The following KLHDC7B variants were observed in gnomAD, a reference collection of about 807,000 sequenced individuals.
KLHDC7B encodes kelch domain containing 7B, also known as kelch domain-containing protein 7B.
In KLHDC7B, 1 loss-of-function variant was observed where a neutral mutation model predicts 0.6. The ratio of observed to expected loss-of-function variants is 1.71; its 90% confidence interval spans 0.61 to 8.11. The LOEUF (loss-of-function observed/expected upper bound fraction) is 8.11, where lower values mean the gene tolerates loss of function less well. Ranked by LOEUF, KLHDC7B falls within the 30% of genes most tolerant of loss-of-function variation. The probability of loss-of-function intolerance (pLI) is 0.13; values close to 1 mark genes in which losing one functional copy is unlikely to be tolerated. For synonymous variants in KLHDC7B, 462 were observed against 405.2 expected (o/e 1.14, Z -1.68); for missense variants, 993 against 894.9 (o/e 1.11, Z -1.40).
chr22:50,548,441 T>G lies in KLHDC7B; in HGVS notation c.2198T>G (p.Leu733Arg). ...LRGEGTREKS[L>R]DPLPQAAMPR... is the part of the protein sequence containing the mutation. ...GGAGAGGGAACCAGGGAGAAAAGTC[T>G]AGACCCGCTGCCCCAAGCCGCGATG... The change falls in exon 1 of 1, where the codon CTA becomes CGA. Residue 733 changes from leucine (L) to arginine (R), a missense_variant. Leu to Arg is a moderately radical substitution (Grantham distance 102, BLOSUM62 -2). Coordinates refer to ENST00000648057, the MANE Select transcript of KLHDC7B (RefSeq NM_138433.5). The surrounding 1 kb of genome is among the most constrained non-coding windows in gnomAD (Gnocchi z 5.3). The G allele has an allele frequency of 6.3e-7, 1 of 1,579,316 alleles. No homozygotes were observed.
In KLHDC7B at chr22:50,547,322, C is replaced by T. The variant is rs1183239206; in HGVS notation, c.1079C>T (p.Ser360Leu). ...LESPPQGRPLSSQGPGATGAY... is the reference protein window; with the variant it reads ...LESPPQGRPLLSQGPGATGAY... ...AGTCCGCCTCAAGGTCGCCCACTCT[C>T]GTCCCAAGGGCCGGGTGCCACAGGG... The change falls in exon 1 of 1, where the codon TCG (serine) becomes TTG (leucine). Residue 360 changes from serine to leucine, a missense_variant. Ser to Leu is a moderately radical substitution (Grantham distance 145, BLOSUM62 -2). Coordinates refer to ENST00000648057, the MANE Select transcript of KLHDC7B (RefSeq NM_138433.5). 3.9e-5 allele frequency among the ~76,000 whole-genome samples: 6 copies of T among 151,960 alleles called. No homozygotes were observed. In the South Asian group the frequency reaches 1.0e-3, roughly 26 times the overall value.
At position 50,549,744 on chromosome 22, in the gene KLHDC7B, G is replaced by GGCCCCCCCCC; in HGVS notation, c.1578_1579insGCCCCCCCCC (p.Pro527AlafsTer64). On this transcript the variant is annotated frameshift_variant, in exon 1 of 1. Transcript: ENST00000395676. LOFTEE classifies it low-confidence loss of function (END_TRUNC). ...GGAGCAGGGCTGCCTCCCTGCCCCT[G>GGCCCCCCCCC]CCCGCCCCCGCCCCACTGCACTGCA... 6.4e-7 allele frequency: 1 copy of GGCCCCCCCCC among 1,554,572 alleles called. No homozygotes were observed.
Position 50,547,890 on chromosome 22 carries a change from A to G in KLHDC7B, c.1647A>G (p.Pro549=), listed in dbSNP as rs1367840591. Residue 549 remains proline (P), a synonymous_variant, in exon 1 of 1, where the codon CCA becomes CCG. Transcript: ENST00000648057. ...TLTPPSPALT[P]VPTPALSPAP... ...CACCCCCATCCCCAGCCCTAACCCC[A>G]GTCCCAACCCCAGCCCTAAGCCCAG... 6.6e-5 allele frequency: 6 copies of G among 90,850 alleles called. No homozygotes were observed. Among genetic ancestry groups the G allele is most frequent in the Non-Finnish European group, 1.1e-4 (6 of 52,202 alleles). The allele number at this position is 90,850 out of a possible 1,614,324, so 5.6% of individuals were successfully genotyped here. A position where few individuals can be genotyped will look rare whatever the true frequency, so the allele number is the denominator to read the frequency against.
chr22:50,548,742 G>C lies in KLHDC7B; in HGVS notation c.2499G>C (p.Trp833Cys), dbSNP rs915909536. The change falls in exon 1 of 1, where the codon TGG becomes TGC. Residue 833 changes from tryptophan to cysteine, a missense_variant. By Grantham distance (215) the Trp-to-Cys change is radical. Coordinates refer to ENST00000648057, the MANE Select transcript of KLHDC7B (RefSeq NM_138433.5). The surrounding 1 kb of genome is among the most constrained non-coding windows in gnomAD (Gnocchi z 5.3). ...TGTTTCTGCAGAGGCCCGGGGGTTGGGGGGTGGTGGAGGGGCCCCGGAAGC... is the reference window on the plus strand; with the variant it reads ...TGTTTCTGCAGAGGCCCGGGGGTTGCGGGGTGGTGGAGGGGCCCCGGAAGC... Reference protein sequence around the residue: ...LMVFLQRPGGWGVVEGPRKPS... With the variant: ...LMVFLQRPGGCGVVEGPRKPS... The C allele has an allele frequency of 2.7e-5, 39 of 1,464,990 alleles. No individual in the cohort carries two copies. Among genetic ancestry groups the C allele is most frequent in the Middle Eastern group, 2.1e-4 (1 of 4,778 alleles). 90.7% of individuals were successfully genotyped at this position (1,464,990 alleles called of 1,614,324 possible). A position where few individuals can be genotyped will look rare whatever the true frequency, so the allele number is the denominator to read the frequency against.
chr22:50,548,402 C>T lies in KLHDC7B; in HGVS notation c.2159C>T (p.Pro720Leu). 1.3e-6 allele frequency: 2 copies of T among 1,557,982 alleles called. No homozygotes were observed. The highest frequency in any genetic ancestry group is 1.7e-6 in the Non-Finnish European group (2 of 1,150,616). ...AACGGATCGCCCAGCCCAGACCCTC[C>T]CCCAGGCCTAAGAGGAGAGGGAACC... ...ETNGSPSPDP[P>L]PGLRGEGTRE... Residue 720 changes from proline to leucine, a missense_variant, in exon 1 of 1, where the codon CCC (proline) becomes CTC (leucine). Physicochemically the swap from Pro to Leu is moderately conservative, Grantham distance 98. Transcript: ENST00000648057. The surrounding 1 kb of genome is among the most constrained non-coding windows in gnomAD (Gnocchi z 5.3).
At position 50,547,244 on chromosome 22, in the gene KLHDC7B, C is replaced by T. The variant is rs1326826628; in HGVS notation, c.1001C>T (p.Pro334Leu). ...GGWPWVSREV[P>L]GTRSFGPAPD... The stretch of plus-strand genomic sequence containing the variant: ...TGGCCCTGGGTCAGCAGGGAGGTCC[C>T]GGGCACCCGGAGCTTTGGCCCAGCC... Residue 334 changes from proline to leucine, a missense_variant, in exon 1 of 1, where the codon CCG becomes CTG. Transcript: ENST00000648057. Among the ~76,000 whole-genome samples, 2 of 152,034 alleles carry T rather than the reference C, an allele frequency of 1.3e-5. No homozygotes were observed. Among genetic ancestry groups the T allele is most frequent in the East Asian group, 1.9e-4 (1 of 5,138 alleles).
At position 50,549,922 on chromosome 22, in the gene KLHDC7B, C is replaced by A; in HGVS notation, c.3679C>A (p.Pro1227Thr). ...VLSPFILTLP[P>T]EDRLQTSL is the part of the protein sequence containing the mutation. The stretch of plus-strand genomic sequence containing the variant: ...CAGTCCATTCATCCTGACTCTGCCC[C>A]CTGAGGACCGGCTGCAGACCTCACT... The change falls in exon 1 of 1, where the codon CCT becomes ACT. Residue 1227 changes from proline to threonine, a missense_variant. Pro to Thr is a conservative substitution (Grantham distance 38). Coordinates refer to ENST00000648057, the MANE Select transcript of KLHDC7B (RefSeq NM_138433.5). 6.3e-7 allele frequency: 1 copy of A among 1,581,626 alleles called. No individual in the cohort carries two copies. Among genetic ancestry groups the A allele is most frequent in the Admixed American group, 1.7e-5 (1 of 57,758 alleles).
In KLHDC7B at chr22:50,546,926, G is replaced by C. The variant is rs979691027; in HGVS notation, c.683G>C (p.Arg228Pro). ...CCCTCGGGCTCGATGGGGAGAGGCC[G>C]GGGCCGGCGGCGGCGGATGGACGCT... is the stretch of plus-strand genomic sequence containing the variant. ...AGPSGSMGRG[R>P]GRRRRMDAGS... Residue 228 changes from arginine to proline, a missense_variant, in exon 1 of 1, where the codon CGG (arginine) becomes CCG (proline). Physicochemically the swap from Arg to Pro is moderately radical, Grantham distance 103. Coordinates refer to ENST00000648057, the MANE Select transcript of KLHDC7B (RefSeq NM_138433.5). 6.6e-6 allele frequency among the ~76,000 whole-genome samples: 1 copy of C among 151,926 alleles called. No individual in the cohort carries two copies. Among genetic ancestry groups the C allele is most frequent in the Non-Finnish European group, 1.5e-5 (1 of 67,934 alleles).
In KLHDC7B at chr22:50,548,768, C is replaced by T. The variant is rs1202612364; in HGVS notation, c.2525C>T (p.Pro842Leu). The T allele has an allele frequency of 2.8e-6, 4 of 1,449,346 alleles. No individual in the cohort carries two copies. The South Asian group carries it at 4.4e-5, about 16-fold the overall frequency. 89.8% of individuals were successfully genotyped at this position (1,449,346 alleles called of 1,614,324 possible). ...GWGVVEGPRK[P>L]SSRALEPATA... ...GGGGTGGTGGAGGGGCCCCGGAAGC[C>T]CAGCTCCCGGGCCCTGGAGCCCGCC... Residue 842 changes from proline (P) to leucine (L), a missense_variant, in exon 1 of 1, where the codon CCC becomes CTC. Physicochemically the swap from Pro to Leu is moderately conservative, Grantham distance 98. Transcript: ENST00000648057. The surrounding 1 kb of genome is among the most constrained non-coding windows in gnomAD (Gnocchi z 5.3).
At position 50,548,950 on chromosome 22, in the gene KLHDC7B, C is replaced by G. The variant is rs546175063; in HGVS notation, c.2707C>G (p.Arg903Gly). The G allele has an allele frequency of 4.9e-5, 79 of 1,596,946 alleles. 3 individuals carry two copies. In the South Asian group the frequency reaches 8.1e-4, roughly 16 times the overall value. Residue 903 changes from arginine (R) to glycine (G), a missense_variant, in exon 1 of 1, where the codon CGG becomes GGG. Arg to Gly is a moderately radical substitution (Grantham distance 125). Transcript: ENST00000648057. This position sits in a 1 kb window ranked among gnomAD's most constrained non-coding sequence, Gnocchi z 5.3. Reference protein sequence around the residue: ...RVLGDPCLYRRLSAADRERIL... With the variant: ...RVLGDPCLYRGLSAADRERIL... ...GCTGGGAGACCCGTGCCTCTACCGCCGGCTGAGCGCGGCCGACCGCGAGCG... is the reference window on the plus strand; with the variant it reads ...GCTGGGAGACCCGTGCCTCTACCGCGGGCTGAGCGCGGCCGACCGCGAGCG...
rs1388989081 is a variant in KLHDC7B, at chr22:50,550,417, A to C, written c.*466A>C. The C allele has an allele frequency of 5.7e-6, 1 of 173,954 alleles. No homozygotes were observed. The highest frequency in any genetic ancestry group is 6.4e-5 in the Admixed American group (1 of 15,686). The allele number at this position is 173,954 out of a possible 1,614,324, so 10.8% of individuals were successfully genotyped here. On this transcript the variant is annotated 3_prime_UTR_variant, in exon 1 of 1. Transcript: ENST00000648057. ...GCCTCTGGGACTTTCTGCCTGTCCT[A>C]AGGCCTCCCCAGGTACCAACCCCGT...
chr22:50,549,726 G>T lies in KLHDC7B; in HGVS notation c.3483G>T (p.Arg1161Ser). 4.4e-6 allele frequency: 7 copies of T among 1,590,372 alleles called. No individual in the cohort carries two copies. The highest frequency in any genetic ancestry group is 6.0e-6 in the Non-Finnish European group (7 of 1,170,052). Residue 1161 changes from arginine (R) to serine (S), a missense_variant, in exon 1 of 1, where the codon AGG becomes AGT. Coordinates refer to ENST00000648057, the MANE Select transcript of KLHDC7B (RefSeq NM_138433.5). ...ACACAGTGACCGGCTCCTGGAGCAG[G>T]GCTGCCTCCCTGCCCCTGCCCGCCC... is the stretch of plus-strand genomic sequence containing the variant. ...RYNTVTGSWS[R>S]AASLPLPAPA...
Position 50,548,528 on chromosome 22 carries a change from C to G in KLHDC7B, c.2285C>G (p.Ala762Gly), listed in dbSNP as rs777583262. The change falls in exon 1 of 1, where the codon GCG becomes GGG. Residue 762 changes from alanine to glycine, a missense_variant. Coordinates refer to ENST00000648057, the MANE Select transcript of KLHDC7B (RefSeq NM_138433.5). The surrounding 1 kb of genome is among the most constrained non-coding windows in gnomAD (Gnocchi z 5.3). ...RPPGPAASSS[A>G]RRSQPVPQLR... is the part of the protein sequence containing the mutation. Reference sequence around the variant, plus strand: ...CCTGGCCCCGCGGCCTCCTCCTCTGCGAGGCGCTCACAGCCGGTACCCCAG... The same window carrying G: ...CCTGGCCCCGCGGCCTCCTCCTCTGGGAGGCGCTCACAGCCGGTACCCCAG... The G allele has an allele frequency of 1.9e-6, 3 of 1,553,486 alleles. No homozygotes were observed. The highest frequency in any genetic ancestry group is 2.0e-5 in the Admixed American group (1 of 51,216).
chr22:50,548,616 C>G lies in KLHDC7B; in HGVS notation c.2373C>G (p.Ala791=). Residue 791 remains alanine, a synonymous_variant, in exon 1 of 1, where the codon GCC becomes GCG. Coordinates refer to ENST00000648057, the MANE Select transcript of KLHDC7B (RefSeq NM_138433.5). This position sits in a 1 kb window ranked among gnomAD's most constrained non-coding sequence, Gnocchi z 5.3. ...PSSEQEVRPA[A]SGDPQGEAPG... is the part of the protein sequence containing the mutation. ...CGGAGCAGGAGGTCAGGCCGGCCGC[C>G]TCGGGGGACCCTCAAGGGGAGGCGC... 6.5e-7 allele frequency: 1 copy of G among 1,542,656 alleles called. No individual in the cohort carries two copies. The highest frequency in any genetic ancestry group is 8.7e-7 in the Non-Finnish European group (1 of 1,144,870).
In KLHDC7B at chr22:50,545,936, G is replaced by A. The variant is rs77135372; in HGVS notation, c.-308G>A. On this transcript the variant is annotated 5_prime_UTR_variant, in exon 1 of 1. Transcript: ENST00000648057. ...GCTGTGATGACAGCACAGAGCTCAG[G>A]AACGCTGCCTGAGGACCCTGGGGCC... 0.017 allele frequency among the ~76,000 whole-genome samples: 2,635 copies of A among 152,166 alleles called. 33 individuals carry two copies. Among genetic ancestry groups the A allele is most frequent in the Non-Finnish European group, 0.027 (1,862 of 67,982 alleles).
rs1365627585 is a variant in KLHDC7B, at chr22:50,548,348, G to A, written c.2105G>A (p.Gly702Asp). ...TGTGGLVEAG[G>D]QPQPRSSETN... is the part of the protein sequence containing the mutation. Reference sequence around the variant, plus strand: ...ACAGGGGGCCTGGTTGAGGCTGGAGGTCAGCCACAGCCAAGAAGCTCCGAG... The same window carrying A: ...ACAGGGGGCCTGGTTGAGGCTGGAGATCAGCCACAGCCAAGAAGCTCCGAG... Residue 702 changes from glycine (G) to aspartate (D), a missense_variant, in exon 1 of 1, where the codon GGT becomes GAT. Coordinates refer to ENST00000648057, the MANE Select transcript of KLHDC7B (RefSeq NM_138433.5). The surrounding 1 kb of genome is among the most constrained non-coding windows in gnomAD (Gnocchi z 5.3). 2.6e-6 allele frequency: 4 copies of A among 1,550,730 alleles called. No individual in the cohort carries two copies. Among genetic ancestry groups the A allele is most frequent in the Non-Finnish European group, 3.5e-6 (4 of 1,147,024 alleles).
rs375356489 is a variant in KLHDC7B, at chr22:50,549,525, C to G, written c.1359C>G (p.Tyr453Ter). The change falls in exon 1 of 1, where the codon TAC becomes TAG. Residue 453 changes from tyrosine to a stop codon, truncating the protein, a stop_gained. Transcript: ENST00000395676. LOFTEE classifies it low-confidence loss of function (END_TRUNC). ...CTGTGGCCTGCCGTGGGGACATCTA[C>G]GTCACCGGGGGTCACCTCTTCTACC... 6.2e-7 allele frequency: 1 copy of G among 1,608,264 alleles called. No homozygotes were observed. The highest frequency in any genetic ancestry group is 1.1e-5 in the South Asian group (1 of 90,644).
chr22:50,548,844 G>T lies in KLHDC7B; in HGVS notation c.2601G>T (p.Val867=), dbSNP rs199887589. 4 of 1,548,336 alleles carry T rather than the reference G, an allele frequency of 2.6e-6. No individual in the cohort carries two copies. Among genetic ancestry groups the T allele is most frequent in the Admixed American group, 3.9e-5 (2 of 51,516 alleles). ...TGGACCTGGGCAGTTGCCTGGACGT[G>T]CTGGCCTTTGCCCAGCAGCACGGAG... ...RRLDLGSCLD[V]LAFAQQHGEP... The change falls in exon 1 of 1, where the codon GTG becomes GTT. Residue 867 remains valine (V), a synonymous_variant. Coordinates refer to ENST00000648057, the MANE Select transcript of KLHDC7B (RefSeq NM_138433.5). This position sits in a 1 kb window ranked among gnomAD's most constrained non-coding sequence, Gnocchi z 5.3.
chr22:50,548,182 C>A lies in KLHDC7B; in HGVS notation c.1939C>A (p.His647Asn). The A allele has an allele frequency of 6.6e-7, 1 of 1,521,668 alleles. No individual in the cohort carries two copies. The highest frequency in any genetic ancestry group is 8.9e-7 in the Non-Finnish European group (1 of 1,129,632). The allele number at this position is 1,521,668 out of a possible 1,614,324, so 94.3% of individuals were successfully genotyped here. ...CCTTATTGCCATGGTTCTTAGAAGC[C>A]ACCCCTTCCCCAGGCAAGACAGGCC... ...GNLIAMVLRS[H>N]PFPRQDRPQG... is the part of the protein sequence containing the mutation. The change falls in exon 1 of 1, where the codon CAC becomes AAC. Residue 647 changes from histidine (H) to asparagine (N), a missense_variant. Physicochemically the swap from His to Asn is moderately conservative, Grantham distance 68 (BLOSUM62 1). Coordinates refer to ENST00000648057, the MANE Select transcript of KLHDC7B (RefSeq NM_138433.5). This position sits in a 1 kb window ranked among gnomAD's most constrained non-coding sequence, Gnocchi z 5.3.
Sources: gnomAD v4.1 joint callset for allele counts (sites outside exome capture counted in the v4.1 genomes callset) on GRCh38, gnomAD v4.1.1 for gene constraint, Gnocchi (gnomAD v3.1) non-coding constraint, MANE v1.5 for transcripts, NCBI Gene and HGNC (gene_info 2026-07-23, HGNC 2026-07-21) for gene names.